CCDC152: variants seen among roughly 807,000 people sequenced by gnomAD.
The protein encoded by CCDC152 is coiled-coil domain containing 152.
In CCDC152, 37 loss-of-function variants were observed where a neutral mutation model predicts 38.1. The ratio of observed to expected loss-of-function variants is 0.97; its 90% CI spans 0.75 to 1.28. The LOEUF is 1.28. Ranked by LOEUF, CCDC152 falls within the 50% of genes most tolerant of loss-of-function variation. CCDC152 has a pLI of 0.00. For synonymous variants in CCDC152, 83 were observed against 87.1 expected, an observed-to-expected ratio of 0.95 and a Z score of 0.26; for missense variants, 259 against 292.1, an observed-to-expected ratio of 0.89 and a Z score of 0.83.
chr5:42,774,329 A>G (rs1460226925), intron 4 of CCDC152, among the ~76,000 whole-genome samples: 1 of 152,206 alleles, frequency 6.6e-6, no homozygotes, highest in African/African-American at 2.4e-5. Context: ...TGAGAGCTCT[A>G]CTAAGATCTC....
chr5:42,801,356 T>G lies in CCDC152; in HGVS notation c.*1575T>G. The G allele has an allele frequency of 6.5e-7, 1 of 1,538,000 alleles. No homozygotes were observed. Among genetic ancestry groups the G allele is most frequent in the Non-Finnish European group, 8.8e-7 (1 of 1,134,080 alleles). On this transcript the variant is annotated 3_prime_UTR_variant, in exon 9 of 9. Transcript: ENST00000361970. Reference sequence around the variant, plus strand: ...TCTGGAACAAATTTATAAATCACTTTTTAACAAGCTTATAGAGATAGGAAT... The same window carrying G: ...TCTGGAACAAATTTATAAATCACTTGTTAACAAGCTTATAGAGATAGGAAT...
At chr5:42,761,353 G>A (rs1039923505) in intron 2 of CCDC152, among the ~76,000 whole-genome samples, 6 of 152,176 alleles carry the variant, frequency 3.9e-5, no homozygotes, top group South Asian at 2.1e-4. Flanking sequence ...GGTAGCTCAC[G>A]CCTGTAATCC....
intron 7 of CCDC152, among the ~76,000 whole-genome samples, chr5:42,799,152 C>T (rs1760123485): frequency 6.6e-6 from 1 of 151,796 alleles, no homozygotes; most frequent in Non-Finnish European, 1.5e-5. Context: ...AAAAAAAAAA[C>T]CTCTCCAGGT....
At chr5:42,775,982 G>A (rs527300066) in intron 4 of CCDC152, among the ~76,000 whole-genome samples, 4 of 150,116 alleles carry the variant, frequency 2.7e-5, no homozygotes, top group South Asian at 2.1e-4. Context: ...ATGGAATCAC[G>A]TGAAATACTC....
intron 2 of CCDC152, among the ~76,000 whole-genome samples, chr5:42,759,826 TTTA>T (rs1226238089): frequency 1.3e-5 from 2 of 152,210 alleles, no homozygotes; most frequent in Admixed American, 6.5e-5. Context: ...ATTGTTCTAT[TTTA>T]TTATTATTGT....
At chr5:42,795,302 C>T (rs1760059789) in intron 6 of CCDC152, among the ~76,000 whole-genome samples, 1 of 152,040 alleles carries the variant, frequency 6.6e-6, no homozygotes, top group African/African-American at 2.4e-5. Context: ...AGTTCTAGAG[C>T]AAAAGATGGA....
intron 3 of CCDC152, among the ~76,000 whole-genome samples, chr5:42,768,912 A>G (rs557656284): frequency 6.6e-6 from 1 of 152,286 alleles, no homozygotes; most frequent in Admixed American, 6.5e-5. Context: ...TAGGAAAGTC[A>G]TTACCAAGTT....
intron 1 of CCDC152, among the ~76,000 whole-genome samples, chr5:42,757,438 G>A (rs2972995): frequency 0.038 from 5,734 of 152,266 alleles, 262 homozygotes; most frequent in South Asian, 0.18. Context: ...TGTGGGGATG[G>A]TTGAAGCCAG....
chr5:42,774,758 GA>G (rs1214940458), intron 4 of CCDC152, among the ~76,000 whole-genome samples: 5 of 151,412 alleles, frequency 3.3e-5, no homozygotes, highest in Non-Finnish European at 5.9e-5. Context: ...CACACTAAAA[GA>G]AAAAAAATAG....
intron 3 of CCDC152, among the ~76,000 whole-genome samples, chr5:42,767,238 A>G (rs1759636216): frequency 6.6e-6 from 1 of 152,244 alleles, no homozygotes; most frequent in African/African-American, 2.4e-5. Context: ...ACAAAGAATG[A>G]TATATGGACA....
chr5:42,782,507 T>C (rs1759859451), intron 5 of CCDC152, among the ~76,000 whole-genome samples: 1 of 151,690 alleles, frequency 6.6e-6, no homozygotes, highest in African/African-American at 2.4e-5. Flanking sequence ...GAGAGTAGAG[T>C]GGTGGTTAGG....
rs369911663 is a variant in CCDC152, at chr5:42,782,713, A to G, written c.328-761A>G. Among the ~76,000 whole-genome samples, 275 of 152,214 alleles carry G rather than the reference A, an allele frequency of 1.8e-3. 10 individuals are homozygous for G. In the South Asian group the frequency reaches 0.055, roughly 30 times the overall value. ...CAAAAAAGTGATAAATATATGAGGC[A>G]AATGGATATACCTCACATATTTAAC... On this transcript the variant is annotated intron_variant, in intron 5 of 8. Coordinates refer to ENST00000361970, the MANE Select transcript of CCDC152 (RefSeq NM_001134848.2).
chr5:42,778,309 C>A (rs1405963595), intron 4 of CCDC152, among the ~76,000 whole-genome samples: 1 of 152,174 alleles, frequency 6.6e-6, no homozygotes, highest in Non-Finnish European at 1.5e-5. Flanking sequence ...TTTTTTACCT[C>A]TCCTCATTTC....
At chr5:42,773,565 A>T (rs185430247) in intron 4 of CCDC152, among the ~76,000 whole-genome samples, 9 of 152,276 alleles carry the variant, frequency 5.9e-5, no homozygotes, top group African/African-American at 2.2e-4. Flanking sequence ...GGATAAGAGG[A>T]TTGATAGATA....
chr5:42,772,828 A>T (rs964993101), intron 4 of CCDC152, among the ~76,000 whole-genome samples: 1 of 152,178 alleles, frequency 6.6e-6, no homozygotes, highest in Non-Finnish European at 1.5e-5. Context: ...CCAAGATAGT[A>T]TGATTAATCT....
Position 42,799,635 on chromosome 5 carries a change from TAAC to T in CCDC152, c.643-21_643-19del, listed in dbSNP as rs202150451. On this transcript the variant is annotated intron_variant, in intron 8 of 8. Transcript: ENST00000361970. ...ACTAAATTTTATTTCTGAATTCTAATAACAAATTTTTTGTTTCGTTTAGAAACT... is the reference window on the plus strand; with the variant it reads ...ACTAAATTTTATTTCTGAATTCTAATAAATTTTTTGTTTCGTTTAGAAACT... The T allele has an allele frequency of 4.6e-6, 7 of 1,508,666 alleles. No individual in the cohort carries two copies. In the East Asian group the frequency reaches 1.2e-4, roughly 27 times the overall value. 93.5% of individuals were successfully genotyped at this position (1,508,666 alleles called of 1,614,324 possible). A position where few individuals can be genotyped will look rare whatever the true frequency, so the allele number is the denominator to read the frequency against.
chr5:42,757,478 C>T (rs1024743704), intron 1 of CCDC152, among the ~76,000 whole-genome samples: 3 of 152,156 alleles, frequency 2.0e-5, no homozygotes, highest in Non-Finnish European at 2.9e-5. Context: ...GGAAATGGGA[C>T]TTTCACTTGC....
chr5:42,788,862 A>G (rs574155440), intron 6 of CCDC152, among the ~76,000 whole-genome samples: 5 of 152,254 alleles, frequency 3.3e-5, no homozygotes, highest in African/African-American at 1.2e-4. Flanking sequence ...ATGGACCTGC[A>G]GGTTCCCCGT....
At chr5:42,768,548 A>G (rs1199865884) in intron 3 of CCDC152, among the ~76,000 whole-genome samples, 1 of 152,170 alleles carries the variant, frequency 6.6e-6, no homozygotes, top group Non-Finnish European at 1.5e-5. Flanking sequence ...TGAAACTTCT[A>G]TCTTCTATTA....
Sources: allele counts gnomAD v4.1 joint callset (sites outside exome capture counted in the v4.1 genomes callset), GRCh38; gene constraint gnomAD v4.1.1; transcripts MANE v1.5; gene names NCBI Gene and HGNC (gene_info 2026-07-23, HGNC 2026-07-21).